The following MTA1 variants were observed in gnomAD, a reference collection of about 807,000 sequenced individuals.
The protein encoded by MTA1 is metastasis-associated protein MTA1.
MTA1 carries 15 observed loss-of-function variants against 97.0 expected under a neutral mutation model. The observed-to-expected ratio is 0.15, with a 90% CI of 0.10 to 0.24. MTA1 has a LOEUF of 0.24. Ranked by LOEUF, MTA1 falls within the 10% of genes least tolerant of loss-of-function variation. The pLI is 1.00. For missense variants in MTA1, 709 were observed against 1,015.1 expected (o/e 0.70, Z 4.10); for synonymous variants, 435 against 417.5 (o/e 1.04, Z -0.51).
chr14:105,448,403 C>T lies in MTA1; in HGVS notation c.191-956C>T, dbSNP rs752353703. 1.3e-3 allele frequency among the ~76,000 whole-genome samples: 198 copies of T among 152,266 alleles called. 1 individual carries two copies. Among genetic ancestry groups the T allele is most frequent in the Non-Finnish European group, 2.5e-3 (169 of 68,024 alleles). Reference sequence around the variant, plus strand: ...CGGGACGCTGGTGAAATGGGAGTTTCGGAGCCGCTGTGGGCTCCTGTCCAG... The same window carrying T: ...CGGGACGCTGGTGAAATGGGAGTTTTGGAGCCGCTGTGGGCTCCTGTCCAG... On this transcript the variant is annotated intron_variant, in intron 3 of 20. Coordinates refer to ENST00000331320, the MANE Select transcript of MTA1 (RefSeq NM_004689.4).
In MTA1 at chr14:105,420,178, C is replaced by A; in HGVS notation, c.28+115C>A. ...AGGCCCCGCGCCCCCCGCCCGCCCT[C>A]GCGGCCCCCGGCTCCTTCCCGAACC... On this transcript the variant is annotated intron_variant, in intron 1 of 20. Coordinates refer to ENST00000331320, the MANE Select transcript of MTA1 (RefSeq NM_004689.4). This position sits in a 1 kb window ranked among gnomAD's most constrained non-coding sequence, Gnocchi z 5.3. The A allele has an allele frequency of 2.0e-6, 1 of 495,878 alleles. No individual in the cohort carries two copies. The highest frequency in any genetic ancestry group is 2.6e-6 in the Non-Finnish European group (1 of 380,502). The allele number at this position is 495,878 out of a possible 1,614,324, so 30.7% of individuals were successfully genotyped here.
chr14:105,453,213 G>T (rs1022414739), intron 6 of MTA1, among the ~76,000 whole-genome samples: 2 of 152,286 alleles, frequency 1.3e-5, no homozygotes, highest in Admixed American at 6.5e-5. Flanking sequence ...CTGCGCGGGT[G>T]GCGGCCGGCG....
chr14:105,470,015 G>A (rs587651426), intron 20 of MTA1, 23 bp downstream of exon 20: 21 of 1,612,454 alleles, frequency 1.3e-5, no homozygotes, highest in South Asian at 5.5e-5. Flanking sequence ...CAGGGCAGGC[G>A]GGAGGGCTCC....
chr14:105,457,905 A>T (rs2083212172), intron 7 of MTA1, among the ~76,000 whole-genome samples: 1 of 151,930 alleles, frequency 6.6e-6, no homozygotes, highest in East Asian at 1.9e-4. Context: ...AGCCTGGGCG[A>T]CAGAGTGAGA....
At chr14:105,457,552 A>G (rs587601185) in intron 7 of MTA1, among the ~76,000 whole-genome samples, 2 of 152,372 alleles carry the variant, frequency 1.3e-5, no homozygotes, top group Non-Finnish European at 2.9e-5. Context: ...TGCCCCCAGA[A>G]GGTCCCTGGA....
intron 6 of MTA1, among the ~76,000 whole-genome samples, chr14:105,450,848 C>G (rs1398840948): frequency 2.6e-5 from 4 of 152,232 alleles, no homozygotes; most frequent in Non-Finnish European, 5.9e-5. Flanking sequence ...CCATACATCC[C>G]TGGGGAGCAG....
chr14:105,438,142 T>C (rs2141474842), intron 1 of MTA1, among the ~76,000 whole-genome samples: 1 of 152,302 alleles, frequency 6.6e-6, no homozygotes, highest in South Asian at 2.1e-4. Flanking sequence ...GCCCCAACTG[T>C]GTTCTCTGTG....
In MTA1 at chr14:105,470,243, C is replaced by CG; in HGVS notation, c.*29dup. On this transcript the variant is annotated 3_prime_UTR_variant, in exon 21 of 21. Transcript: ENST00000331320. ...GCCGCCCCCACCTGCGGCCGCCCCC[C>CG]GCCCCTCGCCCGCCCACACGGCCCC... The CG allele has an allele frequency of 6.9e-7, 1 of 1,451,292 alleles. No homozygotes were observed. Among genetic ancestry groups the CG allele is most frequent in the Non-Finnish European group, 9.0e-7 (1 of 1,108,172 alleles). 89.9% of individuals were successfully genotyped at this position (1,451,292 alleles called of 1,614,324 possible).
chr14:105,453,094 G>A (rs1390321370), intron 6 of MTA1, among the ~76,000 whole-genome samples: 1 of 152,274 alleles, frequency 6.6e-6, no homozygotes, highest in Non-Finnish European at 1.5e-5. Flanking sequence ...ATGCCGGACA[G>A]CAAAAGGTTG....
rs587645339 is a variant in MTA1, at chr14:105,453,178, A to G, written c.433-1015A>G. On this transcript the variant is annotated intron_variant, in intron 6 of 20. Coordinates refer to ENST00000331320, the MANE Select transcript of MTA1 (RefSeq NM_004689.4). ...CTGGTGTGAGGTTGCCTGAGATGGA[A>G]TGCTGGCGGGAAGGGCCGCGCCTGC... Among the ~76,000 whole-genome samples the G allele has an allele frequency of 4.6e-5, 7 of 152,400 alleles. No homozygotes were observed. The South Asian group carries it at 1.2e-3, about 27-fold the overall frequency.
At chr14:105,467,476 CT>C in intron 18 of MTA1, 1 of 456,008 alleles carries the variant, frequency 2.2e-6, no homozygotes, top group Non-Finnish European at 4.4e-6. Flanking sequence ...TTGGGGCATT[CT>C]CTCGAGGCTG....
chr14:105,467,091 C>G, intron 18 of MTA1: 1 of 454,456 alleles, frequency 2.2e-6, no homozygotes, highest in Non-Finnish European at 4.1e-6. Flanking sequence ...TGCCTGCAAT[C>G]CTTCCGTGCG....
chr14:105,469,723 T>G, intron 19 of MTA1, 118 bp from the exon 20 acceptor site: 3 of 1,416,858 alleles, frequency 2.1e-6, no homozygotes, highest in Non-Finnish European at 1.9e-6. Context: ...TGGGGGTCCG[T>G]GTAACTCACT....
At chr14:105,450,387 G>T in intron 6 of MTA1, 63 bp downstream of exon 6, 1 of 1,543,864 alleles carries the variant, frequency 6.5e-7, no homozygotes, top group South Asian at 1.2e-5. Flanking sequence ...CTCTACCTAT[G>T]ACCTCTGCTG....
At chr14:105,454,121 G>A in intron 6 of MTA1, 72 bp from the exon 7 acceptor site, 1 of 1,176,478 alleles carries the variant, frequency 8.5e-7, no homozygotes. Flanking sequence ...GCCCGGCCGT[G>A]CTGACGCCTC....
intron 16 of MTA1, 41 bp downstream of exon 16, chr14:105,465,224 G>C: frequency 6.8e-7 from 1 of 1,466,908 alleles, no homozygotes; most frequent in East Asian, 2.5e-5. Flanking sequence ...AATGCTGCCT[G>C]CAGGCAGCTT....
Position 105,434,919 on chromosome 14 carries a change from G to A in MTA1, c.29-3753G>A, listed in dbSNP as rs146234596. On this transcript the variant is annotated intron_variant, in intron 1 of 20. Coordinates refer to ENST00000331320, the MANE Select transcript of MTA1 (RefSeq NM_004689.4). ...CTATATAGAAAGTCACATCATCTGC[G>A]TATAGAAAGTTTTATTTCTTCATAT... is the stretch of plus-strand genomic sequence containing the variant. 2.8e-3 allele frequency among the ~76,000 whole-genome samples: 432 copies of A among 152,286 alleles called. 2 individuals carry two copies. The highest frequency in any genetic ancestry group is 0.022 in the East Asian group (116 of 5,184).
chr14:105,468,356 A>G, intron 18 of MTA1: 1 of 1,304,146 alleles, frequency 7.7e-7, no homozygotes, highest in Non-Finnish European at 1.0e-6. Flanking sequence ...CTGGGTAAGT[A>G]GTTTTTGTGC....
intron 1 of MTA1, among the ~76,000 whole-genome samples, chr14:105,426,355 CAG>C (rs1566997311): frequency 8.0e-6 from 1 of 125,182 alleles, no homozygotes; most frequent in Non-Finnish European, 1.6e-5. Flanking sequence ...GCCTGGGTGA[CAG>C]AGCGAGACTT....
Sources: gnomAD v4.1 joint callset for allele counts (sites outside exome capture counted in the v4.1 genomes callset) on GRCh38, gnomAD v4.1.1 for gene constraint, Gnocchi (gnomAD v3.1) non-coding constraint, MANE v1.5 for transcripts, NCBI Gene and HGNC (gene_info 2026-07-23, HGNC 2026-07-21) for gene names.